EIPR1: variants seen among roughly 807,000 people sequenced by gnomAD.
EIPR1 encodes the protein EARP and GARP complex-interacting protein 1.
A neutral mutation model predicts 48.1 loss-of-function variants in EIPR1; 25 were observed. The observed-to-expected ratio is 0.52, with a 90% confidence interval of 0.38 to 0.73. The LOEUF (loss-of-function observed/expected upper bound fraction) is 0.73. Ranked by LOEUF, EIPR1 falls within the 30% of genes least tolerant of loss-of-function variation. The probability of loss-of-function intolerance (pLI) is 0.00; values close to 1 mark genes in which losing one functional copy is unlikely to be tolerated. For synonymous variants in EIPR1, 204 were observed against 201.9 expected (o/e 1.01, Z -0.09); for missense variants, 415 against 506.2 (o/e 0.82, Z 1.73).
At chr2:3,311,263 G>C (rs1669119817) in intron 3 of EIPR1, among the ~76,000 whole-genome samples, 1 of 152,044 alleles carries the variant, frequency 6.6e-6, no homozygotes, top group African/African-American at 2.4e-5. Flanking sequence ...CCTTGGTCCT[G>C]TTACACACTC....
chr2:3,189,176 A>AC lies in EIPR1; in HGVS notation c.*157dup, dbSNP rs1326807793. 1.4e-6 allele frequency: 1 copy of AC among 733,432 alleles called. No homozygotes were observed. Among genetic ancestry groups the AC allele is most frequent in the Admixed American group, 3.4e-5 (1 of 29,430 alleles). The allele number at this position is 733,432 out of a possible 1,614,324, so 45.4% of individuals were successfully genotyped here. On this transcript the variant is annotated 3_prime_UTR_variant, in exon 9 of 9. Coordinates refer to ENST00000382125, the MANE Select transcript of EIPR1 (RefSeq NM_003310.5). The surrounding 1 kb of genome is among the most constrained non-coding windows in gnomAD (Gnocchi z 4.6). ...TGTGCCGTCGACAATAGCCCCATTC[A>AC]CCCCATTCATAAATGCTGCTGCTAC...
chr2:3,295,500 CACAT>C (rs1668538190), intron 3 of EIPR1, among the ~76,000 whole-genome samples: 1 of 128,840 alleles, frequency 7.8e-6, no homozygotes, highest in Non-Finnish European at 1.6e-5. Context: ...CCTCTCTGCA[CACAT>C]ACACCCTCCA....
chr2:3,372,460 A>T (rs1436917564), intron 1 of EIPR1, among the ~76,000 whole-genome samples: 1 of 151,998 alleles, frequency 6.6e-6, no homozygotes, highest in Non-Finnish European at 1.5e-5. Flanking sequence ...TTTTGAAAGG[A>T]TCAACAAAAT....
At chr2:3,223,565 G>C (rs1238510342) in intron 4 of EIPR1, among the ~76,000 whole-genome samples, 4 of 152,218 alleles carry the variant, frequency 2.6e-5, no homozygotes, top group South Asian at 2.1e-4. Flanking sequence ...TGTTTATCAA[G>C]TACAAGTCAG....
intron 4 of EIPR1, among the ~76,000 whole-genome samples, chr2:3,243,467 T>TA (rs1666700161): frequency 6.6e-6 from 1 of 151,976 alleles, no homozygotes; most frequent in African/African-American, 2.4e-5. Flanking sequence ...CCATCTCTAC[T>TA]AAAAAATACA....
At chr2:3,368,825 T>C (rs1199438106) in intron 1 of EIPR1, among the ~76,000 whole-genome samples, 3 of 152,194 alleles carry the variant, frequency 2.0e-5, no homozygotes, top group African/African-American at 7.2e-5. Flanking sequence ...ATTTCAAATA[T>C]AATTATAAAA....
chr2:3,361,841 G>A (rs4854180), intron 1 of EIPR1, among the ~76,000 whole-genome samples: 23,029 of 144,896 alleles, frequency 0.16, 2,078 homozygotes, highest in Non-Finnish European at 0.2. Context: ...ATCTGACCCT[G>A]CCCAAGCCCT....
chr2:3,245,814 T>G (rs1310531927), intron 4 of EIPR1, among the ~76,000 whole-genome samples: 1 of 152,190 alleles, frequency 6.6e-6, no homozygotes, highest in African/African-American at 2.4e-5. Flanking sequence ...AATCTCAGTG[T>G]TTGGGAGGCC....
chr2:3,343,202 C>T (rs892978269), intron 2 of EIPR1, among the ~76,000 whole-genome samples: 4 of 152,112 alleles, frequency 2.6e-5, no homozygotes, highest in Non-Finnish European at 5.9e-5. Flanking sequence ...CTCTGCAGGG[C>T]GGCAGCAAGC....
At chr2:3,267,307 A>C (rs888930473) in intron 3 of EIPR1, among the ~76,000 whole-genome samples, 1 of 152,242 alleles carries the variant, frequency 6.6e-6, no homozygotes, top group African/African-American at 2.4e-5. Flanking sequence ...TCACCTGTGA[A>C]AATAGTCAAC....
At chr2:3,244,668 A>G (rs1666740780) in intron 4 of EIPR1, among the ~76,000 whole-genome samples, 1 of 152,198 alleles carries the variant, frequency 6.6e-6, no homozygotes, top group Non-Finnish European at 1.5e-5. Context: ...TGAACCACGA[A>G]GAGGGGCCTC....
chr2:3,251,032 T>C (rs934951825), intron 4 of EIPR1, among the ~76,000 whole-genome samples: 1 of 151,850 alleles, frequency 6.6e-6, no homozygotes, highest in African/African-American at 2.4e-5. Context: ...TAAAATAAAA[T>C]ATAACAGTGT....
chr2:3,267,340 G>A (rs1417423218), intron 3 of EIPR1, among the ~76,000 whole-genome samples: 1 of 152,186 alleles, frequency 6.6e-6, no homozygotes, highest in African/African-American at 2.4e-5. Flanking sequence ...TGCAGTGTTG[G>A]TGGGATGGAG....
chr2:3,277,572 C>G, intron 3 of EIPR1, among the ~76,000 whole-genome samples: 1 of 152,216 alleles, frequency 6.6e-6, no homozygotes, highest in East Asian at 1.9e-4. Context: ...TGAACAACCC[C>G]AGGCCGTGGG....
chr2:3,209,080 C>A (rs1179276154), intron 5 of EIPR1: 2 of 1,413,294 alleles, frequency 1.4e-6, no homozygotes, highest in Admixed American at 5.7e-5. Context: ...AGGGTGTACA[C>A]CCGTTCCATG....
chr2:3,242,599 CA>C (rs1666672052), intron 4 of EIPR1, among the ~76,000 whole-genome samples: 4 of 152,310 alleles, frequency 2.6e-5, no homozygotes, highest in South Asian at 2.1e-4. Context: ...GGCTGGAAGA[CA>C]GAGATTTCAG....
At chr2:3,232,247 C>T (rs956728083) in intron 4 of EIPR1, among the ~76,000 whole-genome samples, 1 of 152,094 alleles carries the variant, frequency 6.6e-6, no homozygotes, top group African/African-American at 2.4e-5. Flanking sequence ...TTTATCTTTT[C>T]GAAAAGCAGC....
At chr2:3,356,263 G>A (rs1016548824) in intron 1 of EIPR1, among the ~76,000 whole-genome samples, 1 of 152,206 alleles carries the variant, frequency 6.6e-6, no homozygotes, top group East Asian at 1.9e-4. Flanking sequence ...TTCAGCTGAG[G>A]GCAATTCCTG....
intron 3 of EIPR1, among the ~76,000 whole-genome samples, chr2:3,303,725 C>A (rs145655137): frequency 6.6e-6 from 1 of 152,334 alleles, no homozygotes; most frequent in Non-Finnish European, 1.5e-5. Flanking sequence ...TTTCCCGGCA[C>A]CGTGAACACA....
Sources: gnomAD v4.1 joint callset for allele counts (sites outside exome capture counted in the v4.1 genomes callset) on GRCh38, gnomAD v4.1.1 for gene constraint, Gnocchi (gnomAD v3.1) non-coding constraint, MANE v1.5 for transcripts, NCBI Gene and HGNC (gene_info 2026-07-23, HGNC 2026-07-21) for gene names.